Variants in WWOX observed in about 807,000 individuals in gnomAD.
The protein encoded by WWOX is WW domain containing oxidoreductase, also known as WW domain-containing oxidoreductase.
A neutral mutation model predicts 46.2 loss-of-function variants in WWOX; 69 were observed. The ratio of observed to expected loss-of-function variants is 1.49; its 90% CI spans 1.23 to 1.82. The LOEUF is 1.82. Among genes scored for constraint, WWOX ranks in the 40% most tolerant of loss-of-function variants. The pLI is 0.00. For missense variants in WWOX, 919 were observed against 542.6 expected (o/e 1.69, Z -6.89); for synonymous variants, 359 against 202.6 (o/e 1.77, Z -6.56).
chr16:78,352,168 C>G (rs947654266), intron 5 of WWOX, among the ~76,000 whole-genome samples: 1 of 152,202 alleles, frequency 6.6e-6, no homozygotes, highest in African/African-American at 2.4e-5. Context: ...CAGACCTTGG[C>G]TTCTCTGTCT....
At chr16:78,665,669 A>C (rs1015889175) in intron 8 of WWOX, among the ~76,000 whole-genome samples, 5 of 152,100 alleles carry the variant, frequency 3.3e-5, no homozygotes, top group African/African-American at 1.2e-4. Context: ...CCCAAGACAC[A>C]CATGGAAACA....
intron 8 of WWOX, among the ~76,000 whole-genome samples, chr16:78,793,946 G>A (rs892657331): frequency 6.6e-6 from 1 of 152,110 alleles, no homozygotes; most frequent in Non-Finnish European, 1.5e-5. Flanking sequence ...AGAAGAGGAT[G>A]TAGGGCAGGT....
chr16:78,664,346 T>G (rs1411991488), intron 8 of WWOX, among the ~76,000 whole-genome samples: 1 of 152,166 alleles, frequency 6.6e-6, no homozygotes, highest in African/African-American at 2.4e-5. Flanking sequence ...CCAGTTTATG[T>G]GTGCTGCGTG....
chr16:79,082,439 G>A (rs1203312916), intron 8 of WWOX, among the ~76,000 whole-genome samples: 2 of 152,284 alleles, frequency 1.3e-5, no homozygotes, highest in South Asian at 2.1e-4. Flanking sequence ...CCCATGGCCA[G>A]GAGAAGCAGG....
chr16:78,798,783 T>C (rs1469453238), intron 8 of WWOX, among the ~76,000 whole-genome samples: 1 of 152,220 alleles, frequency 6.6e-6, no homozygotes, highest in Non-Finnish European at 1.5e-5. Flanking sequence ...TAAAGTAATA[T>C]AAACTGAAGG....
At chr16:79,076,703 C>T (rs2048664033) in intron 8 of WWOX, among the ~76,000 whole-genome samples, 1 of 152,216 alleles carries the variant, frequency 6.6e-6, no homozygotes, top group Non-Finnish European at 1.5e-5. Context: ...CTTTAGCCCC[C>T]CACTTAGGTG....
chr16:78,111,212 G>A (rs1179204986), intron 3 of WWOX, among the ~76,000 whole-genome samples: 1 of 152,068 alleles, frequency 6.6e-6, no homozygotes, highest in African/African-American at 2.4e-5. Context: ...GAGTACCTAG[G>A]TGCCGAGGCA....
At chr16:78,275,636 C>A (rs1367357646) in intron 5 of WWOX, among the ~76,000 whole-genome samples, 1 of 152,166 alleles carries the variant, frequency 6.6e-6, no homozygotes, top group East Asian at 1.9e-4. Flanking sequence ...CCCAGTAATC[C>A]CATGAGTCAC....
intron 5 of WWOX, among the ~76,000 whole-genome samples, chr16:78,319,490 G>A (rs1228787578): frequency 6.6e-6 from 1 of 151,938 alleles, no homozygotes; most frequent in African/African-American, 2.4e-5. Context: ...TCAAACCCCT[G>A]GGCTCAAGCG....
At chr16:79,178,343 G>T (rs1004224802) in intron 8 of WWOX, among the ~76,000 whole-genome samples, 4 of 152,120 alleles carry the variant, frequency 2.6e-5, no homozygotes, top group Admixed American at 6.6e-5. Context: ...TTGAGATAGG[G>T]TCTCACTGTG....
intron 8 of WWOX, among the ~76,000 whole-genome samples, chr16:79,197,654 C>G (rs148679068): frequency 1.1e-3 from 172 of 152,240 alleles, no homozygotes; most frequent in African/African-American, 4.0e-3. Flanking sequence ...CTTTTTTGAT[C>G]GCTTTAGAAA....
At chr16:78,997,418 A>G (rs115344063) in intron 8 of WWOX, among the ~76,000 whole-genome samples, 291 of 152,310 alleles carry the variant, frequency 1.9e-3, no homozygotes, top group African/African-American at 6.7e-3. Flanking sequence ...AATTTTTTAA[A>G]AAATAGGTTT....
At chr16:78,984,186 A>G (rs1230377326) in intron 8 of WWOX, among the ~76,000 whole-genome samples, 2 of 152,018 alleles carry the variant, frequency 1.3e-5, no homozygotes, top group African/African-American at 2.4e-5. Context: ...CCAGAGGGCT[A>G]TTCTTTGTCT....
intron 8 of WWOX, among the ~76,000 whole-genome samples, chr16:78,652,824 T>A (rs1484503647): frequency 6.6e-6 from 1 of 152,218 alleles, no homozygotes; most frequent in African/African-American, 2.4e-5. Flanking sequence ...TCCTTATTCA[T>A]CATATAAGTA....
chr16:79,002,730 G>A (rs1459556037), intron 8 of WWOX, among the ~76,000 whole-genome samples: 1 of 152,148 alleles, frequency 6.6e-6, no homozygotes, highest in Non-Finnish European at 1.5e-5. Context: ...GGTGAAAACT[G>A]ACACTTAGTT....
chr16:78,395,776 C>G (rs2082271313), intron 6 of WWOX, among the ~76,000 whole-genome samples: 2 of 133,818 alleles, frequency 1.5e-5, no homozygotes, highest in Admixed American at 7.6e-5. Flanking sequence ...TTTTCTTTTT[C>G]TTTTTTGCTA....
At chr16:79,030,463 C>T (rs1205173691) in intron 8 of WWOX, among the ~76,000 whole-genome samples, 3 of 152,178 alleles carry the variant, frequency 2.0e-5, no homozygotes, top group African/African-American at 7.2e-5. Flanking sequence ...CACGGGCAAT[C>T]CCATTAGCAG....
In WWOX at chr16:78,099,867, G is replaced by C. The variant is rs866055540; in HGVS notation, c.89G>C (p.Gly30Ala). 1.3e-6 allele frequency: 2 copies of C among 1,574,088 alleles called. No homozygotes were observed. The highest frequency in any genetic ancestry group is 8.6e-7 in the Non-Finnish European group (1 of 1,160,594). The change falls in exon 1 of 9, where the codon GGC becomes GCC. Residue 30 changes from glycine (G) to alanine (A), a missense_variant. Gly to Ala is a moderately conservative substitution (Grantham distance 60). Transcript: ENST00000566780. ...TGGGAGGAGAGAACCACCAAGGACG[G>C]CTGGGTTTACTACGCCAAGTAAGGG... ...PGWEERTTKDGWVYYANHTEE... is the reference protein window; with the variant it reads ...PGWEERTTKDAWVYYANHTEE...
intron 8 of WWOX, among the ~76,000 whole-genome samples, chr16:78,532,129 G>C (rs71396193): frequency 0.063 from 9,542 of 151,016 alleles, 389 homozygotes; most frequent in Middle Eastern, 0.15. Context: ...TCTGAATTTA[G>C]TTAGATTTAT....
Sources: gnomAD v4.1 joint callset for allele counts (sites outside exome capture counted in the v4.1 genomes callset) on GRCh38, gnomAD v4.1.1 for gene constraint, MANE v1.5 for transcripts, NCBI Gene and HGNC (gene_info 2026-07-23, HGNC 2026-07-21) for gene names.